GALNTL6: variants seen among roughly 807,000 people sequenced by gnomAD.
The protein encoded by GALNTL6 is polypeptide N-acetylgalactosaminyltransferase like 6, also known as polypeptide N-acetylgalactosaminyltransferase-like 6.
A neutral mutation model predicts 73.7 loss-of-function variants in GALNTL6; 46 were observed. The observed-to-expected ratio is 0.62, with a 90% CI of 0.49 to 0.80. GALNTL6 has a LOEUF of 0.80. GALNTL6 is among the 30% of genes least tolerant of loss of function. The pLI, the probability that GALNTL6 is intolerant of heterozygous loss-of-function variation, is 0.00. For missense variants in GALNTL6, 604 were observed against 755.0 expected (o/e 0.80, Z 2.34); for synonymous variants, 259 against 263.7 (o/e 0.98, Z 0.17).
intron 5 of GALNTL6, among the ~76,000 whole-genome samples, chr4:172,494,126 T>C (rs1733986549): frequency 6.6e-6 from 1 of 152,172 alleles, no homozygotes; most frequent in African/African-American, 2.4e-5. Flanking sequence ...AGCAACATAA[T>C]TGTATTTGTA....
intron 5 of GALNTL6, among the ~76,000 whole-genome samples, chr4:172,639,606 T>C (rs1739868447): frequency 1.3e-5 from 2 of 152,108 alleles, no homozygotes; most frequent in Admixed American, 1.3e-4. Context: ...TCTAGTTCAT[T>C]ATTACTTTAC....
intron 2 of GALNTL6, among the ~76,000 whole-genome samples, chr4:172,124,487 ATTTC>A (rs1339761902): frequency 1.3e-5 from 2 of 152,186 alleles, no homozygotes; most frequent in Non-Finnish European, 2.9e-5. Context: ...AAATAATAGT[ATTTC>A]TTTAACCAGG....
intron 2 of GALNTL6, among the ~76,000 whole-genome samples, chr4:171,905,630 G>A (rs201565688): frequency 0.3 from 44,250 of 148,826 alleles, 8,679 homozygotes; most frequent in African/African-American, 0.5. Context: ...ACTCAGCTCT[G>A]CACCAAGTGG....
intron 2 of GALNTL6, among the ~76,000 whole-genome samples, chr4:172,080,456 G>C (rs1429533716): frequency 6.6e-6 from 1 of 152,098 alleles, no homozygotes; most frequent in Non-Finnish European, 1.5e-5. Flanking sequence ...AAGCCACTGT[G>C]CCTGACCTGA....
At chr4:172,518,547 T>C (rs950867203) in intron 5 of GALNTL6, among the ~76,000 whole-genome samples, 3 of 152,006 alleles carry the variant, frequency 2.0e-5, no homozygotes, top group Non-Finnish European at 2.9e-5. Flanking sequence ...AACATTCTCT[T>C]ATTTTAAATT....
intron 5 of GALNTL6, among the ~76,000 whole-genome samples, chr4:172,539,890 TATATATATATATATATAA>T (rs1430257906): frequency 0.011 from 1,556 of 139,274 alleles, 25 homozygotes; most frequent in African/African-American, 0.04. Flanking sequence ...TATATATATA[TATATATATATATATATAA>T]AAAATCTCAT....
At chr4:171,881,074 G>T (rs185813145) in intron 2 of GALNTL6, among the ~76,000 whole-genome samples, 19 of 152,000 alleles carry the variant, frequency 1.3e-4, no homozygotes, top group Admixed American at 2.0e-4. Flanking sequence ...TAACAGTTGT[G>T]AACAATCTCT....
At chr4:172,453,479 G>T (rs1052650617) in intron 5 of GALNTL6, among the ~76,000 whole-genome samples, 1 of 152,172 alleles carries the variant, frequency 6.6e-6, no homozygotes, top group African/African-American at 2.4e-5. Context: ...TTTACTTAGA[G>T]TTGCTACTAA....
In GALNTL6 at chr4:172,043,436, T is replaced by C. The variant is rs372410684; in HGVS notation, c.139-186220T>C. Reference sequence around the variant, plus strand: ...CAATATTGGAAGAGGCCAGACTTTATTAAAAGATGGTCACATTTCTCAGCA... The same window carrying C: ...CAATATTGGAAGAGGCCAGACTTTACTAAAAGATGGTCACATTTCTCAGCA... On this transcript the variant is annotated intron_variant, in intron 2 of 12. Transcript: ENST00000506823. Among the ~76,000 whole-genome samples, 32 of 152,216 alleles carry C rather than the reference T, an allele frequency of 2.1e-4. No individual in the cohort carries two copies. In the East Asian group the frequency reaches 5.8e-3, roughly 28 times the overall value.
intron 3 of GALNTL6, among the ~76,000 whole-genome samples, chr4:172,300,361 C>A (rs938633546): frequency 6.6e-6 from 1 of 152,052 alleles, no homozygotes; most frequent in African/African-American, 2.4e-5. Flanking sequence ...GAGGATTTAG[C>A]CCATTTACAT....
At chr4:172,643,107 T>TA (rs36032161) in intron 5 of GALNTL6, among the ~76,000 whole-genome samples, 55,861 of 150,350 alleles carry the variant, frequency 0.37, 11,262 homozygotes, top group African/African-American at 0.52. Flanking sequence ...GATTCTTTTG[T>TA]AAAAAAAAAA....
chr4:171,979,920 AAG>A (rs1354163171), intron 2 of GALNTL6, among the ~76,000 whole-genome samples: 3 of 151,190 alleles, frequency 2.0e-5, no homozygotes, highest in South Asian at 2.1e-4. Context: ...GAGAGGGTCA[AAG>A]AGAGAGAGAG....
rs1175335741 is a variant in GALNTL6 at position 172,122,051 on chromosome 4, T to C, written c.139-107605T>C. Reference sequence around the variant, plus strand: ...GGATTTGTCCAGATACAGCATGTAATGTTAGTAATAGCAAAGACATTTCCT... The same window carrying C: ...GGATTTGTCCAGATACAGCATGTAACGTTAGTAATAGCAAAGACATTTCCT... On this transcript the variant is annotated intron_variant, in intron 2 of 12. Coordinates refer to ENST00000506823, the MANE Select transcript of GALNTL6 (RefSeq NM_001034845.3). Among the ~76,000 whole-genome samples the C allele has an allele frequency of 3.3e-5, 5 of 151,688 alleles. No individual in the cohort carries two copies. The East Asian group carries it at 9.7e-4, about 29-fold the overall frequency.
chr4:172,365,114 G>A (rs1578997617), intron 5 of GALNTL6, among the ~76,000 whole-genome samples: 1 of 152,144 alleles, frequency 6.6e-6, no homozygotes, highest in East Asian at 1.9e-4. Context: ...GGGGCTTCTG[G>A]CCAATTTCAG....
At chr4:172,880,279 A>G (rs567471162) in intron 7 of GALNTL6, among the ~76,000 whole-genome samples, 1 of 152,230 alleles carries the variant, frequency 6.6e-6, no homozygotes, top group Non-Finnish European at 1.5e-5. Context: ...TGAATGGATA[A>G]TCAATTGCAG....
chr4:172,942,188 A>T (rs563536602), intron 9 of GALNTL6, among the ~76,000 whole-genome samples: 1 of 152,350 alleles, frequency 6.6e-6, no homozygotes, highest in Non-Finnish European at 1.5e-5. Context: ...AATTTTGCAG[A>T]TTACTTACAA....
At chr4:172,021,753 A>G (rs1741408146) in intron 2 of GALNTL6, among the ~76,000 whole-genome samples, 1 of 152,050 alleles carries the variant, frequency 6.6e-6, no homozygotes. Context: ...TTATGTTCCA[A>G]TGAAACATAA....
chr4:172,774,252 GAAGAC>G, intron 5 of GALNTL6, among the ~76,000 whole-genome samples: 1 of 152,312 alleles, frequency 6.6e-6, no homozygotes, highest in African/African-American at 2.4e-5. Context: ...AAGTTTTTGA[GAAGAC>G]GTTCTGTGTC....
At chr4:172,368,209 T>C (rs1742640361) in intron 5 of GALNTL6, among the ~76,000 whole-genome samples, 1 of 152,052 alleles carries the variant, frequency 6.6e-6, no homozygotes, top group Non-Finnish European at 1.5e-5. Context: ...TAAAACTCCG[T>C]CTCTACTAAA....
Sources: allele counts gnomAD v4.1 joint callset (sites outside exome capture counted in the v4.1 genomes callset), GRCh38; gene constraint gnomAD v4.1.1; transcripts MANE v1.5; gene names NCBI Gene and HGNC (gene_info 2026-07-23, HGNC 2026-07-21).